Variants in NBAS observed in about 807,000 individuals in gnomAD.
The protein encoded by NBAS is NBAS subunit of NRZ tethering complex.
In NBAS, 219 loss-of-function variants were observed where a neutral mutation model predicts 302.5. The ratio of observed to expected loss-of-function variants is 0.72; its 90% CI spans 0.65 to 0.81. The LOEUF (loss-of-function observed/expected upper bound fraction) is 0.81. NBAS is among the 30% of genes least tolerant of loss of function. The pLI is 0.00. For missense variants in NBAS, 2,932 were observed against 2,841.6 expected (o/e 1.03, Z -0.72); for synonymous variants, 1,118 against 1,021.6 (o/e 1.09, Z -1.80).
At chr2:15,335,034 C>G (rs546039500) in intron 35 of NBAS, among the ~76,000 whole-genome samples, 1 of 152,126 alleles carries the variant, frequency 6.6e-6, no homozygotes, top group Non-Finnish European at 1.5e-5. Flanking sequence ...AACAAACATT[C>G]ATTCAGATTT....
intron 21 of NBAS, among the ~76,000 whole-genome samples, chr2:15,440,527 G>A (rs377609367): frequency 1.1e-4 from 17 of 152,150 alleles, no homozygotes; most frequent in East Asian, 3.9e-4. Context: ...ATCATCAAAG[G>A]CCAAAAGTAG....
chr2:15,191,902 T>C (rs769451555), intron 48 of NBAS, among the ~76,000 whole-genome samples: 19 of 152,194 alleles, frequency 1.2e-4, no homozygotes, highest in Non-Finnish European at 2.6e-4. Context: ...TTGAGGTCCC[T>C]TGCATACGTA....
the NBAS span, among the ~76,000 whole-genome samples, chr2:14,847,124 C>A: frequency 6.6e-6 from 1 of 152,132 alleles, no homozygotes; most frequent in Non-Finnish European, 1.5e-5. Context: ...TGGCTCACAC[C>A]TGTAATCCCA....
chr2:14,828,269 A>G, the NBAS span, among the ~76,000 whole-genome samples: 12 of 152,318 alleles, frequency 7.9e-5, no homozygotes, highest in East Asian at 5.8e-4. Flanking sequence ...TTGGTTTGAT[A>G]ACAAGTGGCT....
the NBAS span, among the ~76,000 whole-genome samples, chr2:15,088,862 G>C: frequency 3.6e-4 from 55 of 152,324 alleles, no homozygotes; most frequent in African/African-American, 1.2e-3. Context: ...AAACCGATTT[G>C]GATGGGAGAG....
the NBAS span, among the ~76,000 whole-genome samples, chr2:14,911,157 A>G: frequency 6.6e-6 from 1 of 152,228 alleles, no homozygotes; most frequent in African/African-American, 2.4e-5. Flanking sequence ...TGTTATCGAA[A>G]GCAAATTTTT....
the NBAS span, among the ~76,000 whole-genome samples, chr2:14,970,893 G>A: frequency 2.6e-5 from 4 of 152,164 alleles, no homozygotes; most frequent in Non-Finnish European, 2.9e-5. Context: ...GTTGTTCCCT[G>A]CTTGGTATCA....
chr2:15,234,679 T>C lies in NBAS; in HGVS notation c.6012A>G (p.Glu2004=), dbSNP rs202104937. Residue 2004 remains glutamate (E), a synonymous_variant, in exon 46 of 52, where the codon GAA becomes GAG. Coordinates refer to ENST00000281513, the MANE Select transcript of NBAS (RefSeq NM_015909.4). Reference sequence around the variant, plus strand: ...GACCATCTAAACAAATAGCCACAGCTTCATCATGAAGTTTCTCTTTTTCTG... The same window carrying C: ...GACCATCTAAACAAATAGCCACAGCCTCATCATGAAGTTTCTCTTTTTCTG... ...SRSEKEKLHD[E]AVAICLDGQP... 1.5e-4 allele frequency: 237 copies of C among 1,614,188 alleles called. No homozygotes were observed. In the South Asian group the frequency reaches 2.4e-3, roughly 16 times the overall value.
chr2:14,997,714 C>G, the NBAS span, among the ~76,000 whole-genome samples: 2 of 152,082 alleles, frequency 1.3e-5, no homozygotes, highest in Non-Finnish European at 2.9e-5. Flanking sequence ...TATTAGAGCC[C>G]CAGAGCTCAT....
At chr2:14,841,310 T>A in the NBAS span, among the ~76,000 whole-genome samples, 1 of 151,658 alleles carries the variant, frequency 6.6e-6, no homozygotes, top group Non-Finnish European at 1.5e-5. Flanking sequence ...AATCAAAATG[T>A]CAGTAGTAAG....
chr2:15,534,423 T>C (rs1663381925), intron 9 of NBAS, 120 bp downstream of exon 9: 3 of 794,368 alleles, frequency 3.8e-6, no homozygotes, highest in Non-Finnish European at 6.7e-6. Flanking sequence ...ATATTAAAGA[T>C]AACTACGCAC....
intron 40 of NBAS, among the ~76,000 whole-genome samples, chr2:15,296,254 A>C (rs1483245026): frequency 6.6e-6 from 1 of 152,174 alleles, no homozygotes; most frequent in East Asian, 1.9e-4. Flanking sequence ...TTTATCATTA[A>C]GAGGCTGGGC....
At chr2:15,188,580 A>C (rs919395784) in intron 49 of NBAS, among the ~76,000 whole-genome samples, 2 of 152,216 alleles carry the variant, frequency 1.3e-5, no homozygotes, top group African/African-American at 4.8e-5. Context: ...GATTCTAATG[A>C]TTTAATAAAG....
intron 48 of NBAS, among the ~76,000 whole-genome samples, chr2:15,209,415 G>A (rs1666303417): frequency 6.6e-6 from 1 of 151,936 alleles, no homozygotes; most frequent in Admixed American, 6.5e-5. Flanking sequence ...AATAGAGGAG[G>A]AGGAAATGCT....
Position 15,292,627 on chromosome 2 carries a change from T to C in NBAS, c.4937A>G (p.Gln1646Arg). The change falls in exon 41 of 52, where the codon CAG becomes CGG. Residue 1646 changes from glutamine (Q) to arginine (R), a missense_variant. Gln to Arg is a conservative substitution (Grantham distance 43). Coordinates refer to ENST00000281513, the MANE Select transcript of NBAS (RefSeq NM_015909.4). ...NERLLDFTQA[Q>R]ILQGLRKGVD... ...ACCCTTCCGAAGGCCCTGAAGGATC[T>C]GCGCCTGAGTGAAATCCAGGAGACG... The C allele has an allele frequency of 6.2e-7, 1 of 1,614,176 alleles. No individual in the cohort carries two copies. The highest frequency in any genetic ancestry group is 8.5e-7 in the Non-Finnish European group (1 of 1,180,038).
intron 38 of NBAS, among the ~76,000 whole-genome samples, chr2:15,309,491 C>T (rs575214612): frequency 2.0e-4 from 31 of 152,262 alleles, no homozygotes; most frequent in Middle Eastern, 6.8e-3. Flanking sequence ...GTCAGGGCAG[C>T]TGCAAAGGTT....
rs1330042779 is a variant in NBAS, at chr2:15,539,219, A to T, written c.513+4T>A. ...TATGTTTTCAATTTAAGCTATGTAC[A>T]TACCGGGGAAATGACAAAGAGTTCA... On this transcript the variant is annotated splice_donor_region_variant and intron_variant, in intron 7 of 51. Coordinates refer to ENST00000281513, the MANE Select transcript of NBAS (RefSeq NM_015909.4). 8.1e-6 allele frequency: 13 copies of T among 1,603,976 alleles called. No homozygotes were observed. Among genetic ancestry groups the T allele is most frequent in the Middle Eastern group, 1.6e-4 (1 of 6,066 alleles).
chr2:15,439,764 G>A (rs1260281450), intron 21 of NBAS, among the ~76,000 whole-genome samples: 4 of 152,196 alleles, frequency 2.6e-5, no homozygotes, highest in African/African-American at 7.2e-5. Context: ...AAAGAAAGGG[G>A]TGACAGACAG....
rs544078797 is a variant in NBAS, at chr2:15,428,635, A to G, written c.2340-841T>C. Among the ~76,000 whole-genome samples the G allele has an allele frequency of 2.0e-5, 3 of 152,214 alleles. No individual in the cohort carries two copies. In the South Asian group the frequency reaches 6.2e-4, roughly 32 times the overall value. On this transcript the variant is annotated intron_variant, in intron 21 of 51. Coordinates refer to ENST00000281513, the MANE Select transcript of NBAS (RefSeq NM_015909.4). ...CATCCCAGTGTCCCAACCACTCAGA[A>G]AGCTGATGTAGGAGGATCGCTTGAG...
Sources: gnomAD v4.1 joint callset for allele counts (sites outside exome capture counted in the v4.1 genomes callset) on GRCh38, gnomAD v4.1.1 for gene constraint, MANE v1.5 for transcripts, NCBI Gene and HGNC (gene_info 2026-07-23, HGNC 2026-07-21) for gene names.